KIT: variants seen among roughly 807,000 people sequenced by gnomAD.
KIT encodes the protein mast/stem cell growth factor receptor Kit.
Under a neutral mutation model 105.7 loss-of-function variants are expected in KIT, and 16 were observed. The ratio of observed to expected loss-of-function variants is 0.15; its 90% CI spans 0.10 to 0.23. The LOEUF is 0.23. Ranked by LOEUF, KIT falls within the 10% of genes least tolerant of loss-of-function variation. The probability of loss-of-function intolerance (pLI) is 1.00; values close to 1 mark genes in which losing one functional copy is unlikely to be tolerated. For missense variants in KIT, 858 were observed against 1,213.8 expected (o/e 0.71, Z 4.36); for synonymous variants, 438 against 441.1 (o/e 0.99, Z 0.09).
intron 5 of KIT, among the ~76,000 whole-genome samples, chr4:54,704,887 A>G (rs2109697275): frequency 6.6e-6 from 1 of 152,318 alleles, no homozygotes; most frequent in East Asian, 1.9e-4. Flanking sequence ...GCAGTATTAA[A>G]GCTTTGTGAT....
chr4:54,660,361 G>A (rs1467369708), intron 1 of KIT, among the ~76,000 whole-genome samples: 2 of 152,066 alleles, frequency 1.3e-5, no homozygotes, highest in Non-Finnish European at 2.9e-5. Context: ...TACCTTCCCC[G>A]TTTCGTTCCT....
intron 1 of KIT, among the ~76,000 whole-genome samples, chr4:54,684,193 G>T (rs766564590): frequency 2.6e-5 from 4 of 152,024 alleles, no homozygotes; most frequent in Non-Finnish European, 5.9e-5. Flanking sequence ...GGGTGGGGTG[G>T]GGTGGTGCAG....
Position 54,723,664 on chromosome 4 carries a change from A to G in KIT, c.1312A>G (p.Ile438Val), listed in dbSNP as rs780382854. 5.6e-6 allele frequency: 9 copies of G among 1,613,846 alleles called. No individual in the cohort carries two copies. In the South Asian group the frequency reaches 6.6e-5, roughly 12 times the overall value. Residue 438 changes from isoleucine (I) to valine (V), a missense_variant, in exon 8 of 21, where the codon ATA (isoleucine) becomes GTA (valine). Physicochemically the swap from Ile to Val is conservative, Grantham distance 29. Coordinates refer to ENST00000288135, the MANE Select transcript of KIT (RefSeq NM_000222.3). Reference protein sequence around the residue: ...CVAAGFPEPTIDWYFCPGTEQ... With the variant: ...CVAAGFPEPTVDWYFCPGTEQ... ...GGCAGCAGGATTCCCAGAGCCCACA[A>G]TAGATTGGTATTTTTGTCCAGGAAC...
chr4:54,668,309 A>T (rs1482328327), intron 1 of KIT, among the ~76,000 whole-genome samples: 1 of 152,212 alleles, frequency 6.6e-6, no homozygotes, highest in Non-Finnish European at 1.5e-5. Flanking sequence ...GCCAGTAGTG[A>T]ATGCCTCATT....
Position 54,731,330 on chromosome 4 carries a change from G to A in KIT, c.2144G>A (p.Ser715Asn), listed in dbSNP as rs56094246. 11 of 1,611,206 alleles carry A rather than the reference G, an allele frequency of 6.8e-6. No homozygotes were observed. Among genetic ancestry groups the A allele is most frequent in the Non-Finnish European group, 9.3e-6 (11 of 1,177,612 alleles). The change falls in exon 15 of 21, where the codon AGC becomes AAC. Residue 715 changes from serine (S) to asparagine (N), a missense_variant and splice_region_variant. This residue lies in a region of KIT where 158 missense variants were observed against 218.7 expected (regional missense o/e 0.72). Coordinates refer to ENST00000288135, the MANE Select transcript of KIT (RefSeq NM_000222.3). The part of the protein sequence containing the change: ...NLLHSKESSC[S>N]DSTNEYMDMK... Reference sequence around the variant, plus strand: ...ATGACTTGTTTCATCTCTCCCAGCAGCGATAGTACTAATGAGTACATGGAC... The same window carrying A: ...ATGACTTGTTTCATCTCTCCCAGCAACGATAGTACTAATGAGTACATGGAC...
intron 1 of KIT, among the ~76,000 whole-genome samples, chr4:54,678,768 A>G (rs975443822): frequency 2.0e-5 from 3 of 152,120 alleles, no homozygotes; most frequent in Non-Finnish European, 4.4e-5. Flanking sequence ...AGCTGGACCC[A>G]CTTTTTGTTT....
At chr4:54,709,306 A>G in intron 6 of KIT, 118 bp from the exon 7 acceptor site, 1 of 725,478 alleles carries the variant, frequency 1.4e-6, no homozygotes, top group Non-Finnish European at 2.5e-6. Flanking sequence ...TACTTACTGA[A>G]TTAAATGAGT....
At chr4:54,666,850 C>T (rs963968313) in intron 1 of KIT, among the ~76,000 whole-genome samples, 1 of 152,194 alleles carries the variant, frequency 6.6e-6, no homozygotes, top group African/African-American at 2.4e-5. Context: ...TGAATAGACT[C>T]TAACATAATC....
chr4:54,678,289 GCTCCTTCC>G (rs1718629982), intron 1 of KIT, among the ~76,000 whole-genome samples: 1 of 135,940 alleles, frequency 7.4e-6, no homozygotes, highest in African/African-American at 2.9e-5. Context: ...TGGCTGGCTC[GCTCCTTCC>G]TTCCTTCCTT....
intron 1 of KIT, among the ~76,000 whole-genome samples, chr4:54,688,710 CTG>C (rs1356631722): frequency 1.3e-5 from 2 of 152,046 alleles, no homozygotes; most frequent in African/African-American, 2.4e-5. Context: ...CTCAACTAGT[CTG>C]TGAATTGACA....
At chr4:54,731,630 A>G (rs1270889633) in intron 15 of KIT, among the ~76,000 whole-genome samples, 2 of 152,144 alleles carry the variant, frequency 1.3e-5, no homozygotes, top group African/African-American at 4.8e-5. Flanking sequence ...TTCTATAGAT[A>G]TGGGATCTTT....
intron 1 of KIT, 71 bp downstream of exon 1, chr4:54,658,152 C>G (rs2109522282): frequency 6.8e-7 from 1 of 1,461,006 alleles, no homozygotes; most frequent in Non-Finnish European, 9.6e-7. Context: ...GGGTGGTACC[C>G]GCCAGGGTGC....
chr4:54,680,508 C>T (rs1206634044), intron 1 of KIT, among the ~76,000 whole-genome samples: 2 of 151,538 alleles, frequency 1.3e-5, no homozygotes, highest in African/African-American at 4.9e-5. Flanking sequence ...TCTCCTGCCT[C>T]AGCCTGCCGA....
At chr4:54,691,495 G>A (rs1212098575) in intron 1 of KIT, among the ~76,000 whole-genome samples, 6 of 152,116 alleles carry the variant, frequency 3.9e-5, no homozygotes, top group African/African-American at 1.4e-4. Flanking sequence ...ACAGGCAGAA[G>A]GGATGATGGG....
chr4:54,727,517 G>C lies in KIT; in HGVS notation c.1749G>C (p.Glu583Asp), dbSNP rs1722314973. 1 of 1,614,080 alleles carries C rather than the reference G, an allele frequency of 6.2e-7. No individual in the cohort carries two copies. The highest frequency in any genetic ancestry group is 8.5e-7 in the Non-Finnish European group (1 of 1,179,992). ...AACTTCCTTATGATCACAAATGGGA[G>C]TTTCCCAGAAACAGGCTGAGTTTTG... ...PTQLPYDHKW[E>D]FPRNRLSFGK... The change falls in exon 11 of 21, where the codon GAG becomes GAC. Residue 583 changes from glutamate to aspartate, a missense_variant. Glu to Asp is a conservative substitution (Grantham distance 45). Around this residue, in one of 7 missense-constraint regions of KIT, gnomAD observed 7 missense variants for 36.9 expected, o/e 0.19. Transcript: ENST00000288135.
intron 4 of KIT, among the ~76,000 whole-genome samples, chr4:54,700,770 T>C (rs1380669248): frequency 1.3e-5 from 2 of 152,250 alleles, no homozygotes; most frequent in African/African-American, 4.8e-5. Context: ...ATTGCCATAA[T>C]GCAAAGACAG....
chr4:54,686,708 C>T (rs1719335077), intron 1 of KIT, among the ~76,000 whole-genome samples: 1 of 152,096 alleles, frequency 6.6e-6, no homozygotes, highest in African/African-American at 2.4e-5. Context: ...CCACACCCAG[C>T]TAATTTTTGT....
At chr4:54,667,718 T>C (rs959628765) in intron 1 of KIT, among the ~76,000 whole-genome samples, 1 of 149,260 alleles carries the variant, frequency 6.7e-6, no homozygotes, top group Admixed American at 6.6e-5. Flanking sequence ...TTGAAGTCTT[T>C]CCTGCAGTGC....
Position 54,723,584 on chromosome 4 carries a change from C to T in KIT, c.1232C>T (p.Thr411Ile). ...TATGGCCATTTCTGTTTTCCTGTAG[C>T]AAAACCAGAAATCCTGACTTACGAC... ...AAIAFNVYVN[T>I]KPEILTYDRL... Residue 411 changes from threonine (T) to isoleucine (I), a missense_variant and splice_region_variant, in exon 8 of 21, where the codon ACA becomes ATA. Around this residue, in one of 7 missense-constraint regions of KIT, gnomAD observed 401 missense variants for 601.0 expected, o/e 0.67. Coordinates refer to ENST00000288135, the MANE Select transcript of KIT (RefSeq NM_000222.3). The T allele has an allele frequency of 6.2e-7, 1 of 1,609,248 alleles. No homozygotes were observed. Among genetic ancestry groups the T allele is most frequent in the South Asian group, 1.1e-5 (1 of 90,958 alleles).
Sources: allele counts gnomAD v4.1 joint callset (sites outside exome capture counted in the v4.1 genomes callset), GRCh38; gene constraint gnomAD v4.1.1; regional missense constraint gnomAD v4.1.1; transcripts MANE v1.5; gene names NCBI Gene and HGNC (gene_info 2026-07-23, HGNC 2026-07-21).